Variants in BMP1 observed in about 807,000 individuals in gnomAD.
The protein encoded by BMP1 is mammalian tolloid protein.
A neutral mutation model predicts 116.8 loss-of-function variants in BMP1; 63 were observed. The observed-to-expected ratio is 0.54, with a 90% CI of 0.44 to 0.67. BMP1 has a LOEUF of 0.67. Among genes scored for constraint, BMP1 ranks in the 30% least tolerant of loss-of-function variants. The pLI is 0.00. For missense variants in BMP1, 1,183 were observed against 1,358.9 expected, an observed-to-expected ratio of 0.87 and a Z score of 2.04; for synonymous variants, 536 against 533.4, an observed-to-expected ratio of 1.00 and a Z score of -0.07.
In BMP1 at chr8:22,181,267, A is replaced by G. The variant is rs750720977; in HGVS notation, c.1077+784A>G. The stretch of plus-strand genomic sequence containing the variant: ...TGTCTTACCTTGTGGGGAAGTACCC[A>G]GTTCTCATACTTGCTGCCACGTGGG... On this transcript the variant is annotated intron_variant, in intron 8 of 19. Coordinates refer to ENST00000306385, the MANE Select transcript of BMP1 (RefSeq NM_006129.5). Among the ~76,000 whole-genome samples, 9 of 152,312 alleles carry G rather than the reference A, an allele frequency of 5.9e-5. No individual in the cohort carries two copies. The East Asian group carries it at 7.7e-4, about 13-fold the overall frequency.
chr8:22,186,391 C>T (rs918502815), intron 8 of BMP1, among the ~76,000 whole-genome samples: 1 of 152,184 alleles, frequency 6.6e-6, no homozygotes, highest in Non-Finnish European at 1.5e-5. Flanking sequence ...GAGTTTGACT[C>T]GCAGCTGTGC....
At chr8:22,211,285 C>A (rs1439617849) in intron 19 of BMP1, among the ~76,000 whole-genome samples, 1 of 152,220 alleles carries the variant, frequency 6.6e-6, no homozygotes. Context: ...GAGCAGAGAC[C>A]TTTTGCTCCT....
At chr8:22,180,629 C>T (rs1828592919) in intron 8 of BMP1, 146 bp downstream of exon 8, 1 of 672,266 alleles carries the variant, frequency 1.5e-6, no homozygotes, top group South Asian at 1.9e-5. Flanking sequence ...TGATGGAGCA[C>T]GGCTGTAGGA....
intron 1 of BMP1, chr8:22,169,370 C>G (rs1265758422): frequency 6.6e-6 from 1 of 152,290 alleles, no homozygotes; most frequent in Non-Finnish European, 1.5e-5. Flanking sequence ...CTGTCCATTT[C>G]TAAGTGCGCC....
At chr8:22,209,817 C>A in intron 19 of BMP1, 122 bp downstream of exon 19, 1 of 1,111,644 alleles carries the variant, frequency 9.0e-7, no homozygotes, top group South Asian at 1.5e-5. Context: ...GAGTGCAGCA[C>A]GCGTGTGGCC....
intron 8 of BMP1, among the ~76,000 whole-genome samples, chr8:22,183,072 A>G (rs891780236): frequency 1.1e-4 from 16 of 152,236 alleles, no homozygotes; most frequent in African/African-American, 3.4e-4. Flanking sequence ...ATATTCTACC[A>G]TCTTCCCTTA....
chr8:22,171,877 AATTC>A (rs1828287069), intron 1 of BMP1, among the ~76,000 whole-genome samples: 1 of 152,220 alleles, frequency 6.6e-6, no homozygotes, highest in South Asian at 2.1e-4. Context: ...TCAGCGTGGC[AATTC>A]ATTCATTCGA....
At chr8:22,205,254 G>A (rs532333025) in intron 16 of BMP1, among the ~76,000 whole-genome samples, 2 of 152,218 alleles carry the variant, frequency 1.3e-5, no homozygotes, top group South Asian at 4.2e-4. Context: ...GGTGAGAGAT[G>A]GAGCTGGTAA....
chr8:22,176,227 C>A lies in BMP1; in HGVS notation c.347C>A (p.Ser116Tyr). ...GCCTGTGGGAGATGGAGAGGTAGAT[C>A]CCGTAGCCGGCGGGCGGCGACGTCC... ...RGACGRWRGR[S>Y]RSRRAATSRP... is the part of the protein sequence containing the mutation. The change falls in exon 3 of 20, where the codon TCC (serine) becomes TAC (tyrosine). Residue 116 changes from serine (S) to tyrosine (Y), a missense_variant. Ser to Tyr is a moderately radical substitution (Grantham distance 144). Around this residue, in one of 4 missense-constraint regions of BMP1, gnomAD observed 185 missense variants for 158.9 expected, o/e 1.16. Transcript: ENST00000306385. 6.2e-7 allele frequency: 1 copy of A among 1,614,066 alleles called. No homozygotes were observed. Among genetic ancestry groups the A allele is most frequent in the Non-Finnish European group, 8.5e-7 (1 of 1,179,988 alleles).
At chr8:22,206,709 A>T (rs1586473901) in intron 16 of BMP1, 145 bp from the exon 17 acceptor site, 1 of 1,257,812 alleles carries the variant, frequency 8.0e-7, no homozygotes, top group East Asian at 2.4e-5. Flanking sequence ...CATGAAAAAG[A>T]AACGATGCCT....
At chr8:22,175,412 G>A (rs933004447) in intron 2 of BMP1, among the ~76,000 whole-genome samples, 4 of 152,098 alleles carry the variant, frequency 2.6e-5, no homozygotes, top group Non-Finnish European at 4.4e-5. Context: ...TCTCTTTTAC[G>A]ATTATTGTCA....
intron 15 of BMP1, chr8:22,198,806 T>C: frequency 2.3e-6 from 1 of 433,564 alleles, no homozygotes; most frequent in Non-Finnish European, 3.5e-6. Context: ...CACCCTGCTC[T>C]GCTTACAGTG....
In BMP1 at chr8:22,179,809, G is replaced by A. The variant is rs538263166; in HGVS notation, c.941G>A (p.Arg314His). The change falls in exon 7 of 20, where the codon CGC (arginine) becomes CAC (histidine). Residue 314 changes from arginine (R) to histidine (H), a missense_variant. Around this residue, in one of 4 missense-constraint regions of BMP1, gnomAD observed 956 missense variants for 1,135.2 expected, o/e 0.84. Transcript: ENST00000306385. This position sits in a 1 kb window ranked among gnomAD's most constrained non-coding sequence, Gnocchi z 4.6. ...AGCAAGGGGGACATTGCCCAAGCCC[G>A]CAAGCTTTACAAGTGCCCAGGTCAG... is the stretch of plus-strand genomic sequence containing the variant. ...RLSKGDIAQA[R>H]KLYKCPACGE... is the part of the protein sequence containing the mutation. The A allele has an allele frequency of 4.8e-4, 776 of 1,613,892 alleles. 15 individuals carry two copies. In the South Asian group the frequency reaches 8.1e-3, roughly 17 times the overall value.
At chr8:22,173,517 C>A in intron 1 of BMP1, 85 bp from the exon 2 acceptor site, 1 of 944,330 alleles carries the variant, frequency 1.1e-6, no homozygotes, top group Non-Finnish European at 1.6e-6. Context: ...GGGGCTGGTG[C>A]CCACAGGGTT....
Position 22,211,604 on chromosome 8 carries a change from A to C in BMP1, c.2837A>C (p.Glu946Ala). Residue 946 changes from glutamate to alanine, a missense_variant, in exon 20 of 20, where the codon GAG becomes GCG. Glu to Ala is a moderately radical substitution (Grantham distance 107). Around this residue, in one of 4 missense-constraint regions of BMP1, gnomAD observed 956 missense variants for 1,135.2 expected, o/e 0.84. Transcript: ENST00000306385. The part of the protein sequence containing the change: ...GRYCGSGPPE[E>A]VYSAGDSVLV... The stretch of plus-strand genomic sequence containing the variant: ...TCTTTTCTCTGCCAGCCTCCTGAGG[A>C]GGTGTACTCGGCGGGAGATTCTGTC... 1 of 1,614,136 alleles carries C rather than the reference A, an allele frequency of 6.2e-7. No homozygotes were observed. Among genetic ancestry groups the C allele is most frequent in the Non-Finnish European group, 8.5e-7 (1 of 1,180,008 alleles).
At chr8:22,177,167 T>C in intron 5 of BMP1, 28 bp downstream of exon 5, 1 of 1,558,646 alleles carries the variant, frequency 6.4e-7, no homozygotes, top group Non-Finnish European at 8.7e-7. Flanking sequence ...GGTGCGGCCT[T>C]GGTGGGCGGC....
chr8:22,177,085 A>G lies in BMP1; in HGVS notation c.676A>G (p.Thr226Ala). 6.2e-7 allele frequency: 1 copy of G among 1,611,992 alleles called. No individual in the cohort carries two copies. The highest frequency in any genetic ancestry group is 2.2e-5 in the East Asian group (1 of 44,810). The change falls in exon 5 of 20, where the codon ACT (threonine) becomes GCT (alanine). Residue 226 changes from threonine to alanine, a missense_variant. Coordinates refer to ENST00000306385, the MANE Select transcript of BMP1 (RefSeq NM_006129.5). ...GHVVGFWHEH[T>A]RPDRDRHVSI... ...CGTCGTCGGCTTCTGGCACGAACACACTCGGCCAGACCGGGACCGCCACGT... is the reference window on the plus strand; with the variant it reads ...CGTCGTCGGCTTCTGGCACGAACACGCTCGGCCAGACCGGGACCGCCACGT...
intron 16 of BMP1, among the ~76,000 whole-genome samples, chr8:22,202,268 C>A (rs958569720): frequency 1.3e-5 from 2 of 152,238 alleles, no homozygotes; most frequent in Non-Finnish European, 2.9e-5. Flanking sequence ...AAGAGCACAG[C>A]CTCCAGAGCC....
intron 7 of BMP1, 23 bp from the exon 8 acceptor site, chr8:22,180,345 C>T (rs377168806): frequency 6.9e-6 from 11 of 1,589,952 alleles, no homozygotes; most frequent in Non-Finnish European, 8.6e-6. Flanking sequence ...GCAGCCCTGC[C>T]CTGTCATTTC....
Sources: allele counts gnomAD v4.1 joint callset (sites outside exome capture counted in the v4.1 genomes callset), GRCh38; gene constraint gnomAD v4.1.1; regional missense constraint gnomAD v4.1.1; non-coding constraint Gnocchi (gnomAD v3.1); transcripts MANE v1.5; gene names NCBI Gene and HGNC (gene_info 2026-07-23, HGNC 2026-07-21).